ARHGAP35: variants seen among roughly 807,000 people sequenced by gnomAD.
ARHGAP35 encodes Rho GTPase activating protein 35.
Under a neutral mutation model 111.1 loss-of-function variants are expected in ARHGAP35, and 15 were observed. The ratio of observed to expected loss-of-function variants is 0.13; its 90% CI spans 0.09 to 0.21. The LOEUF (loss-of-function observed/expected upper bound fraction) is 0.21. Among genes scored for constraint, ARHGAP35 ranks in the 10% least tolerant of loss-of-function variants. The probability of loss-of-function intolerance (pLI) is 1.00; values close to 1 mark genes in which losing one functional copy is unlikely to be tolerated. For synonymous variants in ARHGAP35, 643 were observed against 710.3 expected (o/e 0.91, Z 1.51); for missense variants, 1,262 against 1,873.0 (o/e 0.67, Z 6.02).
chr19:46,982,868 G>T (rs1018309892), intron 3 of ARHGAP35, among the ~76,000 whole-genome samples: 1 of 151,602 alleles, frequency 6.6e-6, no homozygotes, highest in Non-Finnish European at 1.5e-5. Flanking sequence ...AACAAAGTGA[G>T]ACCCCCATCT....
In ARHGAP35 at chr19:47,003,190, A is replaced by C. The variant is rs1210906531; in HGVS notation, c.*2502A>C. 6.6e-6 allele frequency: 1 copy of C among 152,366 alleles called. No homozygotes were observed. Among genetic ancestry groups the C allele is most frequent in the Non-Finnish European group, 1.5e-5 (1 of 68,158 alleles). The allele number at this position is 152,366 out of a possible 1,614,324, so 9.4% of individuals were successfully genotyped here. On this transcript the variant is annotated 3_prime_UTR_variant, in exon 7 of 7. Coordinates refer to ENST00000672722, the MANE Select transcript of ARHGAP35 (RefSeq NM_004491.5). ...CCGGCCTTCAGCGTCCGGTCAGGGA[A>C]GCGTGCAGCCCAAATGGGCACTTGC...
intron 1 of ARHGAP35, among the ~76,000 whole-genome samples, chr19:46,886,270 G>A (rs916765579): frequency 1.3e-5 from 2 of 152,120 alleles, no homozygotes; most frequent in African/African-American, 2.4e-5. Flanking sequence ...CACCAGTCAC[G>A]TGTTGCTACT....
chr19:46,983,054 C>CAAAAAAAAAAAAAAAAAA (rs71179281), intron 3 of ARHGAP35, among the ~76,000 whole-genome samples: 1 of 47,642 alleles, frequency 2.1e-5, no homozygotes, highest in Non-Finnish European at 3.4e-5. Flanking sequence ...ACCTTGTGTA[C>CAAAAAAAAAAAAAAAAAA]AAAAAAAAAA....
At chr19:46,910,521 A>T (rs902728916) in intron 1 of ARHGAP35, among the ~76,000 whole-genome samples, 25 of 150,686 alleles carry the variant, frequency 1.7e-4, no homozygotes, top group Non-Finnish European at 3.7e-4. Context: ...CAGACTCCTG[A>T]CCTCAAGTGA....
intron 1 of ARHGAP35, among the ~76,000 whole-genome samples, chr19:46,863,542 T>G (rs1196863926): frequency 6.6e-6 from 1 of 152,126 alleles, no homozygotes; most frequent in African/African-American, 2.4e-5. Context: ...CTCGCAGATC[T>G]TTATTCTCTT....
intron 5 of ARHGAP35, chr19:46,997,508 T>A (rs1206738165): frequency 6.6e-6 from 1 of 152,190 alleles, no homozygotes; most frequent in Non-Finnish European, 1.5e-5. Context: ...TGTCACCGAA[T>A]GAAGGAGGCA....
chr19:46,892,316 AG>A (rs1333860912), intron 1 of ARHGAP35, among the ~76,000 whole-genome samples: 28 of 148,916 alleles, frequency 1.9e-4, no homozygotes, highest in African/African-American at 6.7e-4. Flanking sequence ...AAAAAAAAAA[AG>A]AAAAAAAAAA....
chr19:46,893,905 T>A (rs919625449), intron 1 of ARHGAP35, among the ~76,000 whole-genome samples: 4 of 150,924 alleles, frequency 2.7e-5, no homozygotes, highest in Non-Finnish European at 4.4e-5. Flanking sequence ...TTTTTTTTTT[T>A]AAGATTTCAA....
At chr19:46,873,449 T>G (rs1036822227) in intron 1 of ARHGAP35, among the ~76,000 whole-genome samples, 1 of 151,788 alleles carries the variant, frequency 6.6e-6, no homozygotes, top group African/African-American at 2.4e-5. Flanking sequence ...CTAGCCAACA[T>G]TGGTGAAACC....
chr19:46,929,209 T>C (rs2056256970), intron 2 of ARHGAP35, among the ~76,000 whole-genome samples: 1 of 152,108 alleles, frequency 6.6e-6, no homozygotes, highest in African/African-American at 2.4e-5. Flanking sequence ...AACTTGGGCG[T>C]GGAATTTTTC....
intron 1 of ARHGAP35, among the ~76,000 whole-genome samples, chr19:46,880,873 A>G (rs1171427894): frequency 2.7e-5 from 4 of 149,942 alleles, no homozygotes. Context: ...ATGGAGTCTT[A>G]CTACATTGCC....
chr19:46,935,224 C>T (rs2056300555), intron 2 of ARHGAP35, among the ~76,000 whole-genome samples: 1 of 152,204 alleles, frequency 6.6e-6, no homozygotes, highest in African/African-American at 2.4e-5. Context: ...TGAGTGGGGA[C>T]AGGCTTTATG....
At chr19:46,968,726 A>G (rs1461776656) in intron 3 of ARHGAP35, among the ~76,000 whole-genome samples, 1 of 152,240 alleles carries the variant, frequency 6.6e-6, no homozygotes, top group African/African-American at 2.4e-5. Context: ...TAGTCACACA[A>G]GATCACATGG....
At position 46,922,441 on chromosome 19, in the gene ARHGAP35, C is replaced by A; in HGVS notation, c.3681+85C>A. 1 of 1,320,776 alleles carries A rather than the reference C, an allele frequency of 7.6e-7. No homozygotes were observed. Among genetic ancestry groups the A allele is most frequent in the Non-Finnish European group, 1.0e-6 (1 of 999,066 alleles). 81.8% of individuals were successfully genotyped at this position (1,320,776 alleles called of 1,614,324 possible). A position where few individuals can be genotyped will look rare whatever the true frequency, so the allele number is the denominator to read the frequency against. ...TTGATGATGATTTTTCAAGGACAAC[C>A]TATTCTGGTAAAAAAAAAACTGCCC... is the stretch of plus-strand genomic sequence containing the variant. On this transcript the variant is annotated intron_variant, in intron 2 of 6. Coordinates refer to ENST00000672722, the MANE Select transcript of ARHGAP35 (RefSeq NM_004491.5). The surrounding 1 kb of genome is among the most constrained non-coding windows in gnomAD (Gnocchi z 4.0).
Position 46,989,396 on chromosome 19 carries a change from T to C in ARHGAP35, c.3905-148T>C. On this transcript the variant is annotated intron_variant, in intron 4 of 6. Coordinates refer to ENST00000672722, the MANE Select transcript of ARHGAP35 (RefSeq NM_004491.5). This position sits in a 1 kb window ranked among gnomAD's most constrained non-coding sequence, Gnocchi z 5.3. ...TGAACCTCAGAACTCGCGTTAGCGC[T>C]CACAAGTCCCACCCCTCCAATCCTT... The C allele has an allele frequency of 9.6e-7, 1 of 1,040,490 alleles. No individual in the cohort carries two copies. The highest frequency in any genetic ancestry group is 2.7e-5 in the East Asian group (1 of 37,102). The allele number at this position is 1,040,490 out of a possible 1,614,324, so 64.5% of individuals were successfully genotyped here.
At position 46,945,784 on chromosome 19, in the gene ARHGAP35, T is replaced by C. The variant is rs1341717906; in HGVS notation, c.3826+8376T>C. On this transcript the variant is annotated intron_variant, in intron 3 of 6. Coordinates refer to ENST00000672722, the MANE Select transcript of ARHGAP35 (RefSeq NM_004491.5). The surrounding 1 kb of genome is among the most constrained non-coding windows in gnomAD (Gnocchi z 4.1). ...CTCTACGCATGCTTTCTTTGAATAA[T>C]ATGTGAGGCCAGACTTCGTTCCCTG... Among the ~76,000 whole-genome samples the C allele has an allele frequency of 1.3e-5, 2 of 152,192 alleles. No individual in the cohort carries two copies. The highest frequency in any genetic ancestry group is 2.9e-5 in the Non-Finnish European group (2 of 68,036).
rs772584694 is a variant in ARHGAP35 at position 46,989,709 on chromosome 19, AG to A, written c.4036+37del. 7 of 1,612,256 alleles carry A rather than the reference AG, an allele frequency of 4.3e-6. No homozygotes were observed. The highest frequency in any genetic ancestry group is 5.1e-6 in the Non-Finnish European group (6 of 1,179,184). On this transcript the variant is annotated intron_variant, in intron 5 of 6. Coordinates refer to ENST00000672722, the MANE Select transcript of ARHGAP35 (RefSeq NM_004491.5). This position sits in a 1 kb window ranked among gnomAD's most constrained non-coding sequence, Gnocchi z 5.3. Reference sequence around the variant, plus strand: ...CGGCAGCCCAGTGTTGGGCGGATTGAGGGAGAAAGGGCTTGGCACTGGAAGA... The same window carrying A: ...CGGCAGCCCAGTGTTGGGCGGATTGAGGAGAAAGGGCTTGGCACTGGAAGA...
At chr19:46,965,932 TA>T (rs1245529512) in intron 3 of ARHGAP35, among the ~76,000 whole-genome samples, 2 of 152,184 alleles carry the variant, frequency 1.3e-5, no homozygotes, top group Non-Finnish European at 2.9e-5. Context: ...TGCTGGAGGC[TA>T]AAATATGAAT....
At position 46,904,897 on chromosome 19, in the gene ARHGAP35, T is replaced by C. The variant is rs1599809094; in HGVS notation, c.-188-13591T>C. Among the ~76,000 whole-genome samples the C allele has an allele frequency of 3.3e-5, 5 of 152,234 alleles. No homozygotes were observed. In the South Asian group the frequency reaches 1.0e-3, roughly 32 times the overall value. On this transcript the variant is annotated intron_variant, in intron 1 of 6. Transcript: ENST00000672722. ...TGCCCCCAGCGTCTCCCACCATATG[T>C]GCCTATGCTCCGCGTTCCTGTTCTC...
Sources: allele counts gnomAD v4.1 joint callset (sites outside exome capture counted in the v4.1 genomes callset), GRCh38; gene constraint gnomAD v4.1.1; non-coding constraint Gnocchi (gnomAD v3.1); transcripts MANE v1.5; gene names NCBI Gene and HGNC (gene_info 2026-07-23, HGNC 2026-07-21).